The following DMKN variants were observed in gnomAD, a reference collection of about 807,000 sequenced individuals.
DMKN encodes the protein dermokine.
In DMKN, 58 loss-of-function variants were observed where a neutral mutation model predicts 67.6. The ratio of observed to expected loss-of-function variants is 0.86; its 90% CI spans 0.69 to 1.07. The LOEUF is 1.07. DMKN is among the 50% of genes least tolerant of loss of function. The pLI is 0.00. For synonymous variants in DMKN, 240 were observed against 232.3 expected (o/e 1.03, Z -0.30); for missense variants, 596 against 601.5 (o/e 0.99, Z 0.10).
chr19:35,502,251 TGGG>T, intron 10 of DMKN, 68 bp from the exon 11 acceptor site: 1 of 1,512,304 alleles, frequency 6.6e-7, no homozygotes, highest in Admixed American at 1.7e-5. Context: ...TGCAGCAAAT[TGGG>T]GGGATTCCAG....
At chr19:35,504,519 A>G (rs539149925) in intron 9 of DMKN, among the ~76,000 whole-genome samples, 1 of 148,070 alleles carries the variant, frequency 6.8e-6, no homozygotes, top group South Asian at 2.1e-4. Context: ...CAGAGGCTGC[A>G]TTGAGCTGAG....
At chr19:35,512,055 T>G (rs1568645627) in intron 3 of DMKN, among the ~76,000 whole-genome samples, 1 of 146,190 alleles carries the variant, frequency 6.8e-6, no homozygotes, top group Non-Finnish European at 1.5e-5. Flanking sequence ...TGGAGTGCAG[T>G]GATGCGATCT....
rs770822678 is a variant in DMKN at position 35,513,636 on chromosome 19, T to A, written c.-161A>T. ...CAGCCTTCTCTCTCCTGTCCTCAAC[T>A]GCCTGGGCTTCTCAGAGTCCACCTC... On this transcript the variant is annotated 5_prime_UTR_variant, in exon 1 of 16. Coordinates refer to ENST00000339686, the MANE Select transcript of DMKN (RefSeq NM_033317.5). 2.2e-6 allele frequency: 2 copies of A among 907,090 alleles called. No homozygotes were observed. The highest frequency in any genetic ancestry group is 3.2e-6 in the Non-Finnish European group (2 of 618,964). 56.2% of individuals were successfully genotyped at this position (907,090 alleles called of 1,614,324 possible). A position where few individuals can be genotyped will look rare whatever the true frequency, so the allele number is the denominator to read the frequency against.
At chr19:35,497,818 C>T (rs2067693703) in intron 15 of DMKN, 1 of 152,558 alleles carries the variant, frequency 6.6e-6, no homozygotes, top group African/African-American at 2.4e-5. Flanking sequence ...TATCCCGGTC[C>T]CTGTGCTCCA....
chr19:35,506,007 G>A, intron 7 of DMKN, 21 bp from the exon 8 acceptor site: 1 of 1,614,132 alleles, frequency 6.2e-7, no homozygotes, highest in Non-Finnish European at 8.5e-7. Flanking sequence ...AAGGAGATAT[G>A]GGATGAGAGA....
chr19:35,503,169 ACCTG>A, intron 9 of DMKN: 1 of 1,298,136 alleles, frequency 7.7e-7, no homozygotes, highest in Non-Finnish European at 1.0e-6. Context: ...CAAGACTAGG[ACCTG>A]CCTCAGAGTG....
chr19:35,500,407 A>G, intron 12 of DMKN, 126 bp downstream of exon 12: 1 of 1,552,106 alleles, frequency 6.4e-7, no homozygotes. Context: ...ACCTCCTGCC[A>G]TCCTGCACCC....
intron 11 of DMKN, 54 bp from the exon 12 acceptor site, chr19:35,500,634 C>T (rs997322519): frequency 2.0e-5 from 31 of 1,560,038 alleles, no homozygotes; most frequent in Admixed American, 9.1e-5. Context: ...CGGGCATTGC[C>T]GGGCTTTCAG....
At chr19:35,499,581 C>T (rs1185309583) in intron 13 of DMKN, among the ~76,000 whole-genome samples, 1 of 152,078 alleles carries the variant, frequency 6.6e-6, no homozygotes, top group South Asian at 2.1e-4. Context: ...TCCATCTTCC[C>T]CCGCAAAAAA....
intron 9 of DMKN, among the ~76,000 whole-genome samples, chr19:35,504,928 AAC>A (rs1237272506): frequency 6.6e-6 from 1 of 151,322 alleles, no homozygotes; most frequent in Non-Finnish European, 1.5e-5. Flanking sequence ...ATGGAAATGG[AAC>A]CCAGTGTTAC....
At chr19:35,509,882 C>G in intron 7 of DMKN, 29 bp downstream of exon 7, 1 of 1,613,932 alleles carries the variant, frequency 6.2e-7, no homozygotes, top group Non-Finnish European at 8.5e-7. Context: ...CTGCAGTCCC[C>G]AGGAGACTTA....
Position 35,511,414 on chromosome 19 carries a change from G to A in DMKN, c.915C>T (p.Ser305=), listed in dbSNP as rs2070726040. ...GSRGDSGSES[S]WGSSTGSSSG... ...TCCACAGAGGTGCCAAACTCACCCA[G>A]GAGGACTCACTGCCGCTGTCACCTC... The change falls in exon 5 of 16, where the codon TCC becomes TCT. Residue 305 remains serine, a synonymous_variant. Transcript: ENST00000339686. The A allele has an allele frequency of 6.3e-7, 1 of 1,592,066 alleles. No homozygotes were observed. The highest frequency in any genetic ancestry group is 8.5e-7 in the Non-Finnish European group (1 of 1,173,958).
chr19:35,507,913 G>T, intron 7 of DMKN: 1 of 462,602 alleles, frequency 2.2e-6, no homozygotes, highest in East Asian at 3.8e-5. Context: ...TGTCTGGGCT[G>T]ATTGGCATTA....
At chr19:35,497,569 T>C (rs2067642994) in intron 15 of DMKN, 31 bp from the exon 16 acceptor site, 1 of 152,214 alleles carries the variant, frequency 6.6e-6, no homozygotes, top group Non-Finnish European at 1.5e-5. Flanking sequence ...TGGTAGCACG[T>C]GGCCACTCCT....
At chr19:35,508,974 T>TG (rs2070162646) in intron 7 of DMKN, among the ~76,000 whole-genome samples, 1 of 152,058 alleles carries the variant, frequency 6.6e-6, no homozygotes, top group Non-Finnish European at 1.5e-5. Flanking sequence ...CCCAGCACTT[T>TG]GAGAGGCAGA....
rs2069359756 is a variant in DMKN at position 35,505,779 on chromosome 19, A to C, written c.1087-14T>G. 2.5e-6 allele frequency: 4 copies of C among 1,614,258 alleles called. No individual in the cohort carries two copies. The highest frequency in any genetic ancestry group is 3.4e-6 in the Non-Finnish European group (4 of 1,180,044). On this transcript the variant is annotated splice_polypyrimidine_tract_variant and intron_variant, in intron 8 of 15. Coordinates refer to ENST00000339686, the MANE Select transcript of DMKN (RefSeq NM_033317.5). ...GGATTTAAAATTCTATGGAGGAAAC[A>C]AAAAGAAGAATGGCCAAATTGAGTC...
chr19:35,499,789 G>T, intron 13 of DMKN, 169 bp downstream of exon 13: 1 of 648,866 alleles, frequency 1.5e-6, no homozygotes, highest in Non-Finnish European at 2.6e-6. Context: ...CTTCCAAACT[G>T]TCTCAGGGAA....
chr19:35,502,971 C>T, intron 9 of DMKN, 85 bp from the exon 10 acceptor site: 1 of 1,413,234 alleles, frequency 7.1e-7, no homozygotes, highest in Admixed American at 2.2e-5. Flanking sequence ...CTATCTCAAC[C>T]TTCAGAATGT....
chr19:35,506,222 A>C, intron 7 of DMKN: 1 of 1,468,046 alleles, frequency 6.8e-7, no homozygotes, highest in Non-Finnish European at 9.0e-7. Flanking sequence ...TCCAAGGCTT[A>C]TGCTTCCTAT....
Sources: allele counts gnomAD v4.1 joint callset (sites outside exome capture counted in the v4.1 genomes callset), GRCh38; gene constraint gnomAD v4.1.1; transcripts MANE v1.5; gene names NCBI Gene and HGNC (gene_info 2026-07-23, HGNC 2026-07-21).